The following PTPRD variants were observed in gnomAD, a reference collection of about 807,000 sequenced individuals.
PTPRD encodes the protein protein tyrosine phosphatase receptor type D.
PTPRD carries 34 observed loss-of-function variants against 214.5 expected under a neutral mutation model. The observed-to-expected ratio is 0.16, with a 90% CI of 0.12 to 0.21. The LOEUF is 0.21. PTPRD is among the 10% of genes least tolerant of loss of function. The pLI is 1.00. For synonymous variants in PTPRD, 1,128 were observed against 845.7 expected (o/e 1.33, Z -5.79); for missense variants, 2,545 against 2,398.7 (o/e 1.06, Z -1.27).
At chr9:9,259,167 T>C (rs1480230028) in intron 9 of PTPRD, among the ~76,000 whole-genome samples, 8 of 151,870 alleles carry the variant, frequency 5.3e-5, no homozygotes. Context: ...TGAAAATAGC[T>C]TGGCAAAACT....
chr9:10,414,515 T>C (rs1455318108), intron 2 of PTPRD, among the ~76,000 whole-genome samples: 2 of 151,976 alleles, frequency 1.3e-5, no homozygotes, highest in East Asian at 3.9e-4. Flanking sequence ...TCAACTATTG[T>C]GGAAAGCAGC....
chr9:9,267,226 G>A (rs1461108882), intron 9 of PTPRD, among the ~76,000 whole-genome samples: 1 of 150,860 alleles, frequency 6.6e-6, no homozygotes, highest in Admixed American at 6.6e-5. Flanking sequence ...TGAAAGAAGA[G>A]ACATTACAAT....
chr9:8,454,574 C>A, intron 33 of PTPRD: 1 of 1,613,016 alleles, frequency 6.2e-7, no homozygotes, highest in Non-Finnish European at 8.5e-7. Flanking sequence ...GTTCTCTATT[C>A]CTCACCTGTC....
At chr9:8,433,414 G>T (rs1318168692) in intron 35 of PTPRD, among the ~76,000 whole-genome samples, 1 of 152,090 alleles carries the variant, frequency 6.6e-6, no homozygotes, top group Non-Finnish European at 1.5e-5. Context: ...AAAATAAAAA[G>T]AACTTTAAAA....
intron 10 of PTPRD, among the ~76,000 whole-genome samples, chr9:9,065,119 C>G (rs887621535): frequency 8.5e-5 from 13 of 152,106 alleles, no homozygotes; most frequent in African/African-American, 2.7e-4. Flanking sequence ...AAAATCTCTT[C>G]CCTTTTGGAC....
intron 4 of PTPRD, among the ~76,000 whole-genome samples, chr9:10,007,881 G>C (rs1474102170): frequency 6.6e-6 from 1 of 151,768 alleles, no homozygotes; most frequent in Non-Finnish European, 1.5e-5. Context: ...GTAAAATTTA[G>C]GTTATTCTAT....
chr9:10,496,480 G>T (rs1026565069), intron 2 of PTPRD, among the ~76,000 whole-genome samples: 1 of 151,822 alleles, frequency 6.6e-6, no homozygotes, highest in Non-Finnish European at 1.5e-5. Flanking sequence ...TTTGACATTT[G>T]CAACATTAAT....
chr9:9,296,871 C>G (rs1415725738), intron 9 of PTPRD, among the ~76,000 whole-genome samples: 1 of 151,710 alleles, frequency 6.6e-6, no homozygotes, highest in Admixed American at 6.6e-5. Context: ...AAAGCCTAGA[C>G]TAAGTAATAT....
At chr9:10,194,557 G>A (rs575148948) in intron 3 of PTPRD, among the ~76,000 whole-genome samples, 1 of 151,886 alleles carries the variant, frequency 6.6e-6, no homozygotes, top group Middle Eastern at 3.4e-3. Flanking sequence ...TCCTATTCTG[G>A]TTCAGTCTGT....
intron 18 of PTPRD, 125 bp from the exon 19 acceptor site, chr9:8,523,649 C>T (rs189890406): frequency 1.5e-5 from 15 of 974,748 alleles, no homozygotes; most frequent in South Asian, 4.7e-5. Flanking sequence ...CATCTTTATT[C>T]GCTCTAGTTC....
At chr9:8,403,404 A>T (rs550298020) in intron 36 of PTPRD, among the ~76,000 whole-genome samples, 245 of 152,338 alleles carry the variant, frequency 1.6e-3, no homozygotes, top group African/African-American at 5.7e-3. Context: ...GGCACTAATG[A>T]GGGTGAACAT....
chr9:9,384,832 G>A (rs1037465576), intron 9 of PTPRD, among the ~76,000 whole-genome samples: 1 of 151,902 alleles, frequency 6.6e-6, no homozygotes, highest in African/African-American at 2.4e-5. Flanking sequence ...GACTGTTGCA[G>A]AAAACACCCT....
rs368223054 is a variant in PTPRD, at chr9:8,539,735, T to C, written c.353-10956A>G. 7.9e-5 allele frequency among the ~76,000 whole-genome samples: 12 copies of C among 151,998 alleles called. No homozygotes were observed. The East Asian group carries it at 1.2e-3, about 15-fold the overall frequency. The stretch of plus-strand genomic sequence containing the variant: ...AAAACCCCAAACAAGAACATTTTGT[T>C]AAATAACAGGCTCGTTATCTTCAAA... On this transcript the variant is annotated intron_variant, in intron 14 of 45. Transcript: ENST00000381196.
At chr9:8,580,698 T>C (rs1594424437) in intron 14 of PTPRD, among the ~76,000 whole-genome samples, 1 of 152,176 alleles carries the variant, frequency 6.6e-6, no homozygotes, top group African/African-American at 2.4e-5. Flanking sequence ...TAATTGGTGG[T>C]AGGACCATTT....
intron 9 of PTPRD, among the ~76,000 whole-genome samples, chr9:9,290,779 G>C (rs370696388): frequency 1.1e-4 from 16 of 151,574 alleles, no homozygotes; most frequent in African/African-American, 3.9e-4. Flanking sequence ...AGATTCATTT[G>C]CTAATTATTT....
rs1458977726 is a variant in PTPRD at position 8,436,598 on chromosome 9, T to C, written c.4080A>G (p.Glu1360=). 9.3e-6 allele frequency: 15 copies of C among 1,609,864 alleles called. No individual in the cohort carries two copies. Among genetic ancestry groups the C allele is most frequent in the African/African-American group, 1.3e-5 (1 of 74,946 alleles). The change falls in exon 35 of 46, where the codon GAA becomes GAG. Residue 1360 remains glutamate (E), a synonymous_variant. Transcript: ENST00000381196. ...AATAAACACAGTGAATTACCTCATA[T>C]TCCTGGGAAAACTTCAAGTTGTCAT... ...KANDNLKFSQ[E]YESIDPGQQF...
At chr9:9,764,272 T>C (rs576480783) in intron 6 of PTPRD, among the ~76,000 whole-genome samples, 1 of 152,322 alleles carries the variant, frequency 6.6e-6, no homozygotes, top group East Asian at 1.9e-4. Flanking sequence ...CATTTTATAA[T>C]GCGGTGTTCC....
At chr9:9,529,961 G>A (rs1163900957) in intron 8 of PTPRD, among the ~76,000 whole-genome samples, 7 of 151,870 alleles carry the variant, frequency 4.6e-5, no homozygotes, top group Non-Finnish European at 1.0e-4. Context: ...TTTGACAAAT[G>A]AAAATTAAAA....
At chr9:8,722,565 A>C (rs1179009883) in intron 12 of PTPRD, among the ~76,000 whole-genome samples, 1 of 152,136 alleles carries the variant, frequency 6.6e-6, no homozygotes, top group Non-Finnish European at 1.5e-5. Flanking sequence ...TAATCTATAT[A>C]GGGACTTCAA....
Sources: gnomAD v4.1 joint callset for allele counts (sites outside exome capture counted in the v4.1 genomes callset) on GRCh38, gnomAD v4.1.1 for gene constraint, MANE v1.5 for transcripts, NCBI Gene and HGNC (gene_info 2026-07-23, HGNC 2026-07-21) for gene names.